ADAMTS2: variants seen among roughly 807,000 people sequenced by gnomAD.
The protein encoded by ADAMTS2 is A disintegrin and metalloproteinase with thrombospondin motifs 2.
Under a neutral mutation model 123.0 loss-of-function variants are expected in ADAMTS2, and 50 were observed. The observed-to-expected ratio is 0.41, with a 90% CI of 0.32 to 0.51. ADAMTS2 has a LOEUF of 0.51. Ranked by LOEUF, ADAMTS2 falls within the 20% of genes least tolerant of loss-of-function variation. ADAMTS2 has a pLI of 0.35. For missense variants in ADAMTS2, 1,494 were observed against 1,705.2 expected (o/e 0.88, Z 2.18); for synonymous variants, 678 against 695.4 (o/e 0.98, Z 0.39).
At chr5:179,126,470 C>A (rs1432154824) in intron 17 of ADAMTS2, among the ~76,000 whole-genome samples, 1 of 152,228 alleles carries the variant, frequency 6.6e-6, no homozygotes, top group Admixed American at 6.5e-5. Context: ...AAGCCAGGAG[C>A]CGGGCAAGCA....
At position 179,157,976 on chromosome 5, in the gene ADAMTS2, T is replaced by C. The variant is rs1473874901; in HGVS notation, c.1132+747A>G. Among the ~76,000 whole-genome samples, 4 of 152,232 alleles carry C rather than the reference T, an allele frequency of 2.6e-5. No homozygotes were observed. In the East Asian group the frequency reaches 7.7e-4, roughly 29 times the overall value. Reference sequence around the variant, plus strand: ...TTTGTTTGGTTTTTTTTGTCTCTTTTTTTTTTGAGACAGAGTCTCGCACTG... The same window carrying C: ...TTTGTTTGGTTTTTTTTGTCTCTTTCTTTTTTGAGACAGAGTCTCGCACTG... On this transcript the variant is annotated intron_variant, in intron 6 of 21. Coordinates refer to ENST00000251582, the MANE Select transcript of ADAMTS2 (RefSeq NM_014244.5).
intron 21 of ADAMTS2, among the ~76,000 whole-genome samples, chr5:179,119,066 G>A (rs1424148383): frequency 3.3e-5 from 5 of 152,202 alleles, no homozygotes; most frequent in Admixed American, 3.3e-4. Flanking sequence ...CCCTCCAGAT[G>A]TGCCCTCCTT....
rs749508251 is a variant in ADAMTS2, at chr5:179,207,504, C to T, written c.891+9G>A. The T allele has an allele frequency of 2.1e-5, 34 of 1,604,774 alleles. No homozygotes were observed. Among genetic ancestry groups the T allele is most frequent in the Admixed American group, 3.3e-5 (2 of 59,930 alleles). ...CGCCCCACCCTGCCCCCTCAGCCACCCCACTCACAATGTTCATGAGTGTCA... is the reference window on the plus strand; with the variant it reads ...CGCCCCACCCTGCCCCCTCAGCCACTCCACTCACAATGTTCATGAGTGTCA... On this transcript the variant is annotated intron_variant, in intron 4 of 21. Transcript: ENST00000251582.
intron 3 of ADAMTS2, among the ~76,000 whole-genome samples, chr5:179,229,617 A>G (rs1765364294): frequency 6.6e-6 from 1 of 152,124 alleles, no homozygotes; most frequent in Non-Finnish European, 1.5e-5. Flanking sequence ...GTGCAGAGGT[A>G]CATCCCCCAA....
chr5:179,186,851 C>T (rs73809714), intron 4 of ADAMTS2, among the ~76,000 whole-genome samples: 3,021 of 143,626 alleles, frequency 0.021, 98 homozygotes, highest in African/African-American at 0.068. Context: ...CCCCCCCACC[C>T]ACACACACCA....
chr5:179,234,276 G>T lies in ADAMTS2; in HGVS notation c.689-26561C>A, dbSNP rs1436066247. 1.3e-5 allele frequency among the ~76,000 whole-genome samples: 2 copies of T among 152,068 alleles called. No individual in the cohort carries two copies. Among genetic ancestry groups the T allele is most frequent in the African/African-American group, 2.4e-5 (1 of 41,414 alleles). Reference sequence around the variant, plus strand: ...CTGCTGCTCTGCCTGAATTCACCCAGGTGGGCAGTCCTCAGGTGACTTCTC... The same window carrying T: ...CTGCTGCTCTGCCTGAATTCACCCATGTGGGCAGTCCTCAGGTGACTTCTC... On this transcript the variant is annotated intron_variant, in intron 3 of 21. Coordinates refer to ENST00000251582, the MANE Select transcript of ADAMTS2 (RefSeq NM_014244.5). The surrounding 1 kb of genome is among the most constrained non-coding windows in gnomAD (Gnocchi z 4.7).
chr5:179,315,178 C>G lies in ADAMTS2; in HGVS notation c.534+28589G>C, dbSNP rs371513852. ...CTCCCACCTAACACAGCCTCTGCCC[C>G]ACCCCAGAGGGCTCCTCCCAAGACA... On this transcript the variant is annotated intron_variant, in intron 2 of 21. Transcript: ENST00000251582. Among the ~76,000 whole-genome samples the G allele has an allele frequency of 6.6e-4, 101 of 152,252 alleles. No homozygotes were observed. In the South Asian group the frequency reaches 0.02, roughly 31 times the overall value.
chr5:179,233,758 T>C (rs1765465927), intron 3 of ADAMTS2, among the ~76,000 whole-genome samples: 1 of 152,132 alleles, frequency 6.6e-6, no homozygotes, highest in African/African-American at 2.4e-5. Context: ...CTACACTGAC[T>C]ACACTGAAGC....
At position 179,242,937 on chromosome 5, in the gene ADAMTS2, C is replaced by T. The variant is rs867118699; in HGVS notation, c.688+29974G>A. Among the ~76,000 whole-genome samples the T allele has an allele frequency of 3.9e-5, 6 of 152,128 alleles. No individual in the cohort carries two copies. Among genetic ancestry groups the T allele is most frequent in the Admixed American group, 1.3e-4 (2 of 15,286 alleles). ...GAGCTCCGTCTCAGGTGCAGCAGGG[C>T]GAGAGTGCTGGGCTCCTAATCACCC... On this transcript the variant is annotated intron_variant, in intron 3 of 21. Transcript: ENST00000251582. The surrounding 1 kb of genome is among the most constrained non-coding windows in gnomAD (Gnocchi z 4.2).
At chr5:179,119,842 A>G (rs1359083750) in intron 21 of ADAMTS2, among the ~76,000 whole-genome samples, 3 of 152,012 alleles carry the variant, frequency 2.0e-5, no homozygotes, top group African/African-American at 7.2e-5. Context: ...ATGAGGAGAA[A>G]CCCATCTCGG....
In ADAMTS2 at chr5:179,343,170, A is replaced by G. The variant is rs568871458; in HGVS notation, c.534+597T>C. Among the ~76,000 whole-genome samples the G allele has an allele frequency of 6.6e-4, 100 of 152,358 alleles. 1 individual carries two copies. Among genetic ancestry groups the G allele is most frequent in the African/African-American group, 2.2e-3 (93 of 41,572 alleles). Reference sequence around the variant, plus strand: ...CAGAGGGCTAACTGGGCATTTCAGCATCACTGCCAGCTCCCTGGGCTGGTA... The same window carrying G: ...CAGAGGGCTAACTGGGCATTTCAGCGTCACTGCCAGCTCCCTGGGCTGGTA... On this transcript the variant is annotated intron_variant, in intron 2 of 21. Coordinates refer to ENST00000251582, the MANE Select transcript of ADAMTS2 (RefSeq NM_014244.5).
chr5:179,232,081 G>A (rs1361223496), intron 3 of ADAMTS2, among the ~76,000 whole-genome samples: 1 of 152,158 alleles, frequency 6.6e-6, no homozygotes, highest in Non-Finnish European at 1.5e-5. Context: ...TTATGAAATA[G>A]AGTGCATCTT....
chr5:179,112,432 C>G lies in ADAMTS2; in HGVS notation c.*1435G>C, dbSNP rs1483944171. ...TCTTCTCCCATCCGCCCCTACTCCC[C>G]CTTCCTCCTATTTCTCTCTTACTCG... On this transcript the variant is annotated 3_prime_UTR_variant, in exon 22 of 22. Transcript: ENST00000251582. The G allele has an allele frequency of 6.6e-6, 1 of 152,134 alleles. No individual in the cohort carries two copies. Among genetic ancestry groups the G allele is most frequent in the Admixed American group, 6.5e-5 (1 of 15,270 alleles). The allele number at this position is 152,134 out of a possible 1,614,324, so 9.4% of individuals were successfully genotyped here. A position where few individuals can be genotyped will look rare whatever the true frequency, so the allele number is the denominator to read the frequency against.
In ADAMTS2 at chr5:179,317,949, G is replaced by C. The variant is rs749509675; in HGVS notation, c.534+25818C>G. Among the ~76,000 whole-genome samples, 7 of 152,142 alleles carry C rather than the reference G, an allele frequency of 4.6e-5. No homozygotes were observed. Among genetic ancestry groups the C allele is most frequent in the Non-Finnish European group, 7.3e-5 (5 of 68,030 alleles). ...GTCCCTGGGGCTCATCCAGGGCTGG[G>C]GTGGAGCCGGGACATGAGGAACGGG... On this transcript the variant is annotated intron_variant, in intron 2 of 21. Transcript: ENST00000251582. This position sits in a 1 kb window ranked among gnomAD's most constrained non-coding sequence, Gnocchi z 4.9.
At position 179,345,385 on chromosome 5, in the gene ADAMTS2, G is replaced by A; in HGVS notation, c.-57C>T. ...CGCAGCCGGCGCGAAAGTTCCCCGC[G>A]AGCCGCCCAGCCCACATCTGGGGGC... On this transcript the variant is annotated 5_prime_UTR_variant, in exon 1 of 22. Coordinates refer to ENST00000251582, the MANE Select transcript of ADAMTS2 (RefSeq NM_014244.5). The surrounding 1 kb of genome is among the most constrained non-coding windows in gnomAD (Gnocchi z 7.5). 9.1e-7 allele frequency: 1 copy of A among 1,103,916 alleles called. No individual in the cohort carries two copies. The highest frequency in any genetic ancestry group is 1.1e-6 in the Non-Finnish European group (1 of 906,104). 68.4% of individuals were successfully genotyped at this position (1,103,916 alleles called of 1,614,324 possible).
intron 3 of ADAMTS2, among the ~76,000 whole-genome samples, chr5:179,261,110 G>C (rs1338950026): frequency 6.6e-6 from 1 of 152,148 alleles, no homozygotes; most frequent in African/African-American, 2.4e-5. Context: ...GGAAAAGCTT[G>C]TATCGAACAT....
chr5:179,135,010 TCCCCAGCTCCCGGCTCCAGCTCCAGC>T (rs1763037360), intron 13 of ADAMTS2, among the ~76,000 whole-genome samples: 2 of 21,022 alleles, frequency 9.5e-5, no homozygotes, highest in Admixed American at 6.0e-4. Flanking sequence ...CCGGCTCCAG[TCCCCAGCTCCCGGCTCCAGCTCCAGC>T]CCCCAGCTCC....
chr5:179,159,310 A>G (rs1763551207), intron 5 of ADAMTS2, among the ~76,000 whole-genome samples: 1 of 152,164 alleles, frequency 6.6e-6, no homozygotes, highest in African/African-American at 2.4e-5. Flanking sequence ...GTGGCAGGGG[A>G]GGCGGAAATT....
Position 179,185,533 on chromosome 5 carries a change from G to A in ADAMTS2, c.892-4378C>T, listed in dbSNP as rs542607013. Among the ~76,000 whole-genome samples the A allele has an allele frequency of 6.2e-4, 95 of 152,224 alleles. 1 individual carries two copies. The highest frequency in any genetic ancestry group is 5.4e-3 in the South Asian group (26 of 4,828). Reference sequence around the variant, plus strand: ...CCTACCCCTGGGGCCGAAGGTGGCAGCTCTCATCTCAAGAAGGAATCTTGT... The same window carrying A: ...CCTACCCCTGGGGCCGAAGGTGGCAACTCTCATCTCAAGAAGGAATCTTGT... On this transcript the variant is annotated intron_variant, in intron 4 of 21. Coordinates refer to ENST00000251582, the MANE Select transcript of ADAMTS2 (RefSeq NM_014244.5). This position sits in a 1 kb window ranked among gnomAD's most constrained non-coding sequence, Gnocchi z 5.9.
Sources: gnomAD v4.1 joint callset for allele counts (sites outside exome capture counted in the v4.1 genomes callset) on GRCh38, gnomAD v4.1.1 for gene constraint, Gnocchi (gnomAD v3.1) non-coding constraint, MANE v1.5 for transcripts, NCBI Gene and HGNC (gene_info 2026-07-23, HGNC 2026-07-21) for gene names.